RBMS3: variants seen among roughly 807,000 people sequenced by gnomAD.
RBMS3 encodes RNA-binding motif, single-stranded-interacting protein 3.
RBMS3 carries 27 observed loss-of-function variants against 66.8 expected under a neutral mutation model. The observed-to-expected ratio is 0.40, with a 90% CI of 0.30 to 0.56. The LOEUF (loss-of-function observed/expected upper bound fraction) is 0.56, where lower values mean the gene tolerates loss of function less well. Among genes scored for constraint, RBMS3 ranks in the 20% least tolerant of loss-of-function variants. The pLI, the probability that RBMS3 is intolerant of heterozygous loss-of-function variation, is 0.40. For missense variants in RBMS3, 513 were observed against 549.5 expected (o/e 0.93, Z 0.66); for synonymous variants, 188 against 183.0 (o/e 1.03, Z -0.22).
At chr3:29,946,324 C>G (rs1695303415) in intron 12 of RBMS3, among the ~76,000 whole-genome samples, 1 of 151,598 alleles carries the variant, frequency 6.6e-6, no homozygotes, top group Admixed American at 6.6e-5. Flanking sequence ...CAATATTGGA[C>G]AAAACAAATA....
At chr3:29,959,024 G>A (rs568380991) in intron 12 of RBMS3, among the ~76,000 whole-genome samples, 12 of 152,046 alleles carry the variant, frequency 7.9e-5, no homozygotes, top group African/African-American at 2.2e-4. Context: ...ACAAGAATTC[G>A]ACTGCTCAAT....
At chr3:29,390,983 A>C (rs2039267268) in intron 1 of RBMS3, 1 of 291,930 alleles carries the variant, frequency 3.4e-6, no homozygotes, top group South Asian at 3.4e-5. Context: ...GACAAAAGCC[A>C]CGCCCATCTC....
In RBMS3 at chr3:29,762,997, A is replaced by C; in HGVS notation, c.637+8A>C. Reference sequence around the variant, plus strand: ...CACCACCAGGCATCCCAGGTAAGAAATTCACTAATAAGTGACTGAATGATG... The same window carrying C: ...CACCACCAGGCATCCCAGGTAAGAACTTCACTAATAAGTGACTGAATGATG... On this transcript the variant is annotated splice_region_variant and intron_variant, in intron 6 of 14. Transcript: ENST00000383767. 6.4e-7 allele frequency: 1 copy of C among 1,556,488 alleles called. No individual in the cohort carries two copies. The highest frequency in any genetic ancestry group is 8.8e-7 in the Non-Finnish European group (1 of 1,134,006).
At chr3:29,289,665 A>C (rs2032660058) in intron 1 of RBMS3, among the ~76,000 whole-genome samples, 2 of 151,892 alleles carry the variant, frequency 1.3e-5, no homozygotes, top group Admixed American at 1.3e-4. Flanking sequence ...GTGAGACTCG[A>C]CTACATGCCT....
chr3:29,382,704 C>G (rs921629779), intron 1 of RBMS3, among the ~76,000 whole-genome samples: 2 of 152,192 alleles, frequency 1.3e-5, no homozygotes, highest in African/African-American at 4.8e-5. Flanking sequence ...AACACAGACT[C>G]TAAATATGTG....
At chr3:29,564,919 A>T (rs1435626543) in intron 3 of RBMS3, among the ~76,000 whole-genome samples, 1 of 152,198 alleles carries the variant, frequency 6.6e-6, no homozygotes. Flanking sequence ...ATCAATCTCA[A>T]AATATTTCAT....
intron 6 of RBMS3, among the ~76,000 whole-genome samples, chr3:29,807,127 C>T (rs1229891341): frequency 6.6e-6 from 1 of 151,782 alleles, no homozygotes; most frequent in African/African-American, 2.4e-5. Context: ...GGGGCTGTAA[C>T]AGGTTCAAAG....
intron 12 of RBMS3, among the ~76,000 whole-genome samples, chr3:29,960,913 G>C (rs150437804): frequency 1.3e-5 from 2 of 152,278 alleles, no homozygotes; most frequent in Non-Finnish European, 2.9e-5. Flanking sequence ...GTCCTGTGAT[G>C]AGAGGGGCTG....
At chr3:29,946,307 A>G (rs543078602) in intron 12 of RBMS3, among the ~76,000 whole-genome samples, 1 of 151,866 alleles carries the variant, frequency 6.6e-6, no homozygotes, top group Non-Finnish European at 1.5e-5. Flanking sequence ...CAAATCTTCC[A>G]ATATGTCAAT....
At chr3:29,501,191 A>G (rs2043953104) in intron 3 of RBMS3, among the ~76,000 whole-genome samples, 1 of 152,202 alleles carries the variant, frequency 6.6e-6, no homozygotes, top group South Asian at 2.1e-4. Flanking sequence ...TATCATGTGT[A>G]TATGTTTAAA....
intron 1 of RBMS3, among the ~76,000 whole-genome samples, chr3:29,359,301 C>T (rs1218363656): frequency 1.3e-5 from 2 of 152,096 alleles, no homozygotes; most frequent in Admixed American, 1.3e-4. Flanking sequence ...TCTGCTGAGA[C>T]AATCATGTGG....
At chr3:29,569,056 C>T (rs1424624788) in intron 3 of RBMS3, among the ~76,000 whole-genome samples, 1 of 152,014 alleles carries the variant, frequency 6.6e-6, no homozygotes, top group Non-Finnish European at 1.5e-5. Flanking sequence ...TAACAAGCTC[C>T]CAAGTGATGC....
intron 4 of RBMS3, among the ~76,000 whole-genome samples, chr3:29,672,109 A>C (rs1177194057): frequency 6.6e-6 from 1 of 152,120 alleles, no homozygotes; most frequent in Non-Finnish European, 1.5e-5. Context: ...TCTATAAGCC[A>C]GAAGAGAGTG....
intron 11 of RBMS3, among the ~76,000 whole-genome samples, chr3:29,943,247 C>A (rs758174372): frequency 6.6e-6 from 1 of 151,808 alleles, no homozygotes; most frequent in African/African-American, 2.4e-5. Context: ...AAGAGTCACA[C>A]AAGAGGACCT....
At chr3:29,794,261 T>C (rs2057104567) in intron 6 of RBMS3, among the ~76,000 whole-genome samples, 1 of 152,192 alleles carries the variant, frequency 6.6e-6, no homozygotes, top group South Asian at 2.1e-4. Context: ...CTCTCAATTG[T>C]TCCTTAGCTC....
intron 3 of RBMS3, among the ~76,000 whole-genome samples, chr3:29,534,839 C>T (rs1268222075): frequency 1.3e-5 from 2 of 151,774 alleles, no homozygotes; most frequent in Admixed American, 6.6e-5. Context: ...ATGCAAACTT[C>T]GTGAATTATA....
At chr3:29,728,406 A>G (rs975419509) in intron 4 of RBMS3, among the ~76,000 whole-genome samples, 1 of 152,194 alleles carries the variant, frequency 6.6e-6, no homozygotes, top group Non-Finnish European at 1.5e-5. Context: ...TATATGCCAA[A>G]TGATGCCGGC....
intron 6 of RBMS3, among the ~76,000 whole-genome samples, chr3:29,852,284 A>C (rs1576995027): frequency 1.3e-5 from 2 of 152,232 alleles, no homozygotes; most frequent in South Asian, 4.1e-4. Flanking sequence ...GCTAAAAGCA[A>C]TTGCAACAAA....
At chr3:29,584,553 C>A (rs2047443050) in intron 3 of RBMS3, among the ~76,000 whole-genome samples, 1 of 152,016 alleles carries the variant, frequency 6.6e-6, no homozygotes, top group Non-Finnish European at 1.5e-5. Context: ...TGTCTCAGAC[C>A]AATAATTAGA....
Sources: allele counts gnomAD v4.1 joint callset (sites outside exome capture counted in the v4.1 genomes callset), GRCh38; gene constraint gnomAD v4.1.1; transcripts MANE v1.5; gene names NCBI Gene and HGNC (gene_info 2026-07-23, HGNC 2026-07-21).